DCDC1: variants seen among roughly 807,000 people sequenced by gnomAD.
The protein encoded by DCDC1 is doublecortin domain containing 1.
DCDC1 carries 200 observed loss-of-function variants against 178.3 expected under a neutral mutation model. The ratio of observed to expected loss-of-function variants is 1.12; its 90% CI spans 1.00 to 1.26. The LOEUF (loss-of-function observed/expected upper bound fraction) is 1.26. Ranked by LOEUF, DCDC1 falls within the 50% of genes most tolerant of loss-of-function variation. The pLI is 0.00. For missense variants in DCDC1, 1,983 were observed against 1,749.2 expected (o/e 1.13, Z -2.38); for synonymous variants, 690 against 604.8 (o/e 1.14, Z -2.07).
intron 14 of DCDC1, among the ~76,000 whole-genome samples, chr11:31,103,360 T>TA (rs1345257671): frequency 6.6e-6 from 1 of 152,224 alleles, no homozygotes; most frequent in Non-Finnish European, 1.5e-5. Context: ...AAATAACCAC[T>TA]AAAAACAGCT....
rs1197825520 is a variant in DCDC1 at position 31,271,678 on chromosome 11, T to G, written c.961-6078A>C. ...TTTTGAGCATTGTATTAGTCCATTA[T>G]CATGCTGCTGATAAAGACATACCCA... On this transcript the variant is annotated intron_variant, in intron 7 of 38. Transcript: ENST00000684477. Among the ~76,000 whole-genome samples the G allele has an allele frequency of 2.0e-4, 30 of 152,214 alleles. 1 individual carries two copies.
intron 21 of DCDC1, among the ~76,000 whole-genome samples, chr11:30,941,703 T>G (rs957733736): frequency 4.6e-5 from 7 of 152,116 alleles, no homozygotes; most frequent in South Asian, 2.1e-4. Context: ...CCCTGAAAAG[T>G]TTTTGAATCT....
Position 31,250,734 on chromosome 11 carries a change from C to T in DCDC1, c.1055-9118G>A, listed in dbSNP as rs148015008. Among the ~76,000 whole-genome samples the T allele has an allele frequency of 2.3e-3, 342 of 150,586 alleles. 1 individual carries two copies. The highest frequency in any genetic ancestry group is 8.1e-3 in the African/African-American group (332 of 41,120). On this transcript the variant is annotated intron_variant, in intron 8 of 38. Coordinates refer to ENST00000684477, the MANE Select transcript of DCDC1 (RefSeq NM_001387274.1). ...CCTCTCTCATTGCCTGAATTTTCCACTTATGTTAGGCAGCATCCCTAATAT... is the reference window on the plus strand; with the variant it reads ...CCTCTCTCATTGCCTGAATTTTCCATTTATGTTAGGCAGCATCCCTAATAT...
In DCDC1 at chr11:30,899,557, T is replaced by C; in HGVS notation, c.4749A>G (p.Lys1583=). ...CATACTGACCTTTTAACTGTCTCAT[T>C]TTGTGTCTCATGGTATCTAGATCAG... ...ILADLDTMRH[K]MRQLKGRRVA... is the part of the protein sequence containing the mutation. The change falls in exon 34 of 39, where the codon AAA becomes AAG. Residue 1583 remains lysine, a synonymous_variant. Coordinates refer to ENST00000684477, the MANE Select transcript of DCDC1 (RefSeq NM_001387274.1). 1 of 1,574,324 alleles carries C rather than the reference T, an allele frequency of 6.4e-7. No individual in the cohort carries two copies. The highest frequency in any genetic ancestry group is 8.6e-7 in the Non-Finnish European group (1 of 1,161,268).
intron 11 of DCDC1, among the ~76,000 whole-genome samples, chr11:31,120,846 T>C (rs768667296): frequency 6.6e-6 from 1 of 152,126 alleles, no homozygotes; most frequent in East Asian, 1.9e-4. Flanking sequence ...GATTTGCTAA[T>C]ACCCTTTCCC....
intron 21 of DCDC1, among the ~76,000 whole-genome samples, chr11:30,937,443 T>C (rs534193511): frequency 4.9e-4 from 74 of 152,290 alleles, no homozygotes; most frequent in African/African-American, 1.6e-3. Context: ...TTTTCTTCCA[T>C]CCAGGACATT....
chr11:30,884,372 C>CT (rs375533672), intron 36 of DCDC1, among the ~76,000 whole-genome samples: 5 of 151,868 alleles, frequency 3.3e-5, no homozygotes, highest in South Asian at 2.1e-4. Context: ...GTTTTCCTCT[C>CT]TTTTTTTTGT....
At chr11:30,950,038 T>G (rs1430752072) in intron 21 of DCDC1, among the ~76,000 whole-genome samples, 2 of 151,956 alleles carry the variant, frequency 1.3e-5, no homozygotes, top group Non-Finnish European at 2.9e-5. Context: ...AATAGACATT[T>G]CTTAAAAGAA....
intron 20 of DCDC1, among the ~76,000 whole-genome samples, chr11:30,983,461 G>GTCTA (rs1251727620): frequency 6.6e-6 from 1 of 152,122 alleles, no homozygotes; most frequent in South Asian, 2.1e-4. Context: ...AGCCCATGCA[G>GTCTA]TCTAATTCTA....
chr11:31,098,083 G>C (rs1958266350), intron 15 of DCDC1, among the ~76,000 whole-genome samples: 1 of 152,132 alleles, frequency 6.6e-6, no homozygotes, highest in Non-Finnish European at 1.5e-5. Flanking sequence ...TGTACTGAAA[G>C]GCTAGAATTA....
At chr11:31,249,075 CA>C (rs1213390689) in intron 8 of DCDC1, among the ~76,000 whole-genome samples, 4 of 152,044 alleles carry the variant, frequency 2.6e-5, no homozygotes, top group African/African-American at 9.6e-5. Context: ...ACATAAAAAC[CA>C]GAAGACAGAA....
rs951062519 is a variant in DCDC1 at position 31,090,606 on chromosome 11, T to C, written c.2237+787A>G. ...CTGGATCTATACCTGGGAATTTGAG[T>C]CTGTAGATCACATTCTTAATCATTA... On this transcript the variant is annotated intron_variant, in intron 17 of 38. Coordinates refer to ENST00000684477, the MANE Select transcript of DCDC1 (RefSeq NM_001387274.1). 9.2e-5 allele frequency among the ~76,000 whole-genome samples: 14 copies of C among 152,106 alleles called. No individual in the cohort carries two copies. The South Asian group carries it at 1.0e-3, about 11-fold the overall frequency.
At chr11:31,106,394 A>C (rs534257273) in intron 13 of DCDC1, among the ~76,000 whole-genome samples, 4 of 152,236 alleles carry the variant, frequency 2.6e-5, no homozygotes, top group Non-Finnish European at 5.9e-5. Flanking sequence ...ATTACCATCC[A>C]TTTCTCCTTT....
At chr11:31,048,465 G>C (rs1955007263) in intron 20 of DCDC1, among the ~76,000 whole-genome samples, 1 of 152,088 alleles carries the variant, frequency 6.6e-6, no homozygotes, top group African/African-American at 2.4e-5. Flanking sequence ...CTGCTCAGTC[G>C]AACCCCTTGC....
intron 21 of DCDC1, among the ~76,000 whole-genome samples, chr11:30,933,543 T>C (rs1947075924): frequency 6.6e-6 from 1 of 152,198 alleles, no homozygotes; most frequent in Non-Finnish European, 1.5e-5. Context: ...TTATAAATTG[T>C]TGAATTAAAT....
chr11:31,102,434 A>G (rs902525259), intron 14 of DCDC1, among the ~76,000 whole-genome samples, 152 bp from the exon 15 acceptor site: 1 of 152,232 alleles, frequency 6.6e-6, no homozygotes, highest in Non-Finnish European at 1.5e-5. Context: ...AAGTACCAGC[A>G]GTCATTGGGG....
intron 20 of DCDC1, among the ~76,000 whole-genome samples, chr11:30,981,277 A>G (rs773246153): frequency 6.6e-6 from 1 of 152,196 alleles, no homozygotes; most frequent in Non-Finnish European, 1.5e-5. Context: ...CTAGAACCCC[A>G]AATCTCACCA....
At chr11:30,877,544 C>CT (rs1189641067) in intron 38 of DCDC1, among the ~76,000 whole-genome samples, 1 of 152,070 alleles carries the variant, frequency 6.6e-6, no homozygotes, top group African/African-American at 2.4e-5. Context: ...CATAATTTTT[C>CT]TTTTAAATAG....
intron 36 of DCDC1, among the ~76,000 whole-genome samples, chr11:30,889,680 C>T (rs1943608174): frequency 6.6e-6 from 1 of 152,186 alleles, no homozygotes; most frequent in African/African-American, 2.4e-5. Flanking sequence ...GACAAAAATA[C>T]ACAGCATGGA....
Sources: gnomAD v4.1 joint callset for allele counts (sites outside exome capture counted in the v4.1 genomes callset) on GRCh38, gnomAD v4.1.1 for gene constraint, MANE v1.5 for transcripts, NCBI Gene and HGNC (gene_info 2026-07-23, HGNC 2026-07-21) for gene names.